The following RBFOX1 variants were observed in gnomAD, a reference collection of about 807,000 sequenced individuals.
RBFOX1 encodes RNA binding protein fox-1 homolog 1.
A neutral mutation model predicts 57.7 loss-of-function variants in RBFOX1; 8 were observed. The observed-to-expected ratio is 0.14, with a 90% CI of 0.08 to 0.25. The LOEUF (loss-of-function observed/expected upper bound fraction) is 0.25, where lower values mean the gene tolerates loss of function less well. RBFOX1 is among the 10% of genes least tolerant of loss of function. RBFOX1 has a pLI of 1.00. For synonymous variants in RBFOX1, 326 were observed against 222.4 expected (o/e 1.47, Z -4.15); for missense variants, 611 against 548.5 (o/e 1.11, Z -1.14).
intron 2 of RBFOX1, among the ~76,000 whole-genome samples, chr16:6,651,566 A>T (rs138605494): frequency 6.6e-6 from 1 of 152,310 alleles, no homozygotes; most frequent in African/African-American, 2.4e-5. Context: ...ACAAGTGCCC[A>T]TGAGGATGTG....
chr16:6,749,357 G>A (rs2074445024), intron 3 of RBFOX1, among the ~76,000 whole-genome samples: 1 of 152,182 alleles, frequency 6.6e-6, no homozygotes, highest in South Asian at 2.1e-4. Flanking sequence ...TTCAAAGTAA[G>A]TGCTCAGGAC....
intron 4 of RBFOX1, among the ~76,000 whole-genome samples, chr16:7,415,980 C>T (rs1481412938): frequency 6.6e-6 from 1 of 152,162 alleles, no homozygotes; most frequent in African/African-American, 2.4e-5. Context: ...GGACTGTCTT[C>T]TCTCTTCTTT....
At chr16:5,734,302 A>G (rs2151570926) in intron 3 of RBFOX1, among the ~76,000 whole-genome samples, 1 of 152,154 alleles carries the variant, frequency 6.6e-6, no homozygotes, top group Non-Finnish European at 1.5e-5. Flanking sequence ...TCTACACAAA[A>G]TAGGAATTTT....
intron 3 of RBFOX1, among the ~76,000 whole-genome samples, chr16:5,751,714 C>G (rs2053212905): frequency 6.6e-6 from 1 of 152,128 alleles, no homozygotes. Flanking sequence ...TGTAGAATAT[C>G]CACTATTGCA....
At chr16:7,077,020 G>C (rs918805268) in intron 4 of RBFOX1, among the ~76,000 whole-genome samples, 9 of 152,188 alleles carry the variant, frequency 5.9e-5, no homozygotes, top group African/African-American at 2.2e-4. Flanking sequence ...ACATCCATCT[G>C]ATTTCTTGGA....
chr16:6,392,157 A>G (rs970200121), intron 2 of RBFOX1, among the ~76,000 whole-genome samples: 11 of 152,160 alleles, frequency 7.2e-5, no homozygotes, highest in African/African-American at 2.4e-4. Flanking sequence ...GAATGTCCTA[A>G]ATTGTTGTCT....
intron 2 of RBFOX1, among the ~76,000 whole-genome samples, chr16:6,437,091 C>T (rs747972414): frequency 1.3e-5 from 2 of 152,098 alleles, no homozygotes; most frequent in East Asian, 1.9e-4. Context: ...GACTTAAAAA[C>T]CAAATTAATA....
chr16:6,141,491 C>T (rs1475143325), intron 1 of RBFOX1, among the ~76,000 whole-genome samples: 2 of 152,148 alleles, frequency 1.3e-5, no homozygotes, highest in Non-Finnish European at 2.9e-5. Flanking sequence ...TATGTTCATC[C>T]TCTGCGTCCT....
At chr16:7,253,321 G>T (rs772927435) in intron 4 of RBFOX1, among the ~76,000 whole-genome samples, 6 of 152,132 alleles carry the variant, frequency 3.9e-5, no homozygotes, top group Non-Finnish European at 8.8e-5. Context: ...GATGTCAGTG[G>T]CAACAAGGAA....
intron 4 of RBFOX1, among the ~76,000 whole-genome samples, chr16:7,476,007 C>A (rs560905840): frequency 2.0e-5 from 3 of 151,970 alleles, no homozygotes; most frequent in African/African-American, 7.2e-5. Context: ...ACTCTGTCAC[C>A]CAGGCTGGAG....
At chr16:6,203,310 G>A (rs1438620430) in intron 1 of RBFOX1, among the ~76,000 whole-genome samples, 1 of 152,134 alleles carries the variant, frequency 6.6e-6, no homozygotes, top group African/African-American at 2.4e-5. Context: ...GAGTTTTGAT[G>A]ATTTCAGATT....
intron 3 of RBFOX1, among the ~76,000 whole-genome samples, chr16:6,832,154 G>T (rs1272067311): frequency 6.6e-6 from 1 of 152,144 alleles, no homozygotes; most frequent in African/African-American, 2.4e-5. Context: ...ATTCAACTTT[G>T]TTCCTAAATT....
At chr16:6,911,170 C>G (rs1003438781) in intron 3 of RBFOX1, among the ~76,000 whole-genome samples, 1 of 149,276 alleles carries the variant, frequency 6.7e-6, no homozygotes, top group Non-Finnish European at 1.5e-5. Flanking sequence ...CCATTGCACT[C>G]CAACCTGGGC....
At chr16:7,218,076 C>T (rs62015810) in intron 4 of RBFOX1, among the ~76,000 whole-genome samples, 47,054 of 133,952 alleles carry the variant, frequency 0.35, 8,009 homozygotes, top group East Asian at 0.66. Context: ...TGTGTGTGTG[C>T]GTCTGTGTGT....
chr16:6,975,755 G>C lies in RBFOX1; in HGVS notation c.-15-76302G>C, dbSNP rs142778765. Among the ~76,000 whole-genome samples the C allele has an allele frequency of 4.1e-3, 629 of 152,254 alleles. 11 individuals carry two copies. Among genetic ancestry groups the C allele is most frequent in the African/African-American group, 0.015 (603 of 41,552 alleles). On this transcript the variant is annotated intron_variant, in intron 3 of 15. Coordinates refer to ENST00000550418, the MANE Select transcript of RBFOX1 (RefSeq NM_018723.4). The stretch of plus-strand genomic sequence containing the variant: ...TAGGCTGAAAGTTTTCTACTCCTAT[G>C]ACCCCTAAAGTGTACTTGGTGGGTA...
chr16:6,233,521 C>T (rs760895807), intron 1 of RBFOX1, among the ~76,000 whole-genome samples: 37 of 152,218 alleles, frequency 2.4e-4, no homozygotes, highest in Admixed American at 7.9e-4. Flanking sequence ...AGACAAAAAT[C>T]CTTCGTGTGG....
chr16:5,520,220 G>C (rs1409504860), intron 2 of RBFOX1, among the ~76,000 whole-genome samples: 2 of 152,170 alleles, frequency 1.3e-5, no homozygotes, highest in Non-Finnish European at 2.9e-5. Flanking sequence ...AGAGTGTGGG[G>C]CTGTTTCACT....
intron 2 of RBFOX1, among the ~76,000 whole-genome samples, chr16:6,641,313 A>C (rs1194829587): frequency 6.6e-6 from 1 of 152,146 alleles, no homozygotes; most frequent in Non-Finnish European, 1.5e-5. Context: ...ACACGGTTCA[A>C]CCAAGGCGTT....
intron 3 of RBFOX1, among the ~76,000 whole-genome samples, chr16:6,802,334 A>G (rs2085672358): frequency 6.6e-6 from 1 of 152,114 alleles, no homozygotes. Context: ...TGGGAATTTC[A>G]TTGCTTGGAT....
Sources: allele counts gnomAD v4.1 joint callset (sites outside exome capture counted in the v4.1 genomes callset), GRCh38; gene constraint gnomAD v4.1.1; transcripts MANE v1.5; gene names NCBI Gene and HGNC (gene_info 2026-07-23, HGNC 2026-07-21).